TIAM2: variants seen among roughly 807,000 people sequenced by gnomAD.
TIAM2 encodes rho guanine nucleotide exchange factor TIAM2.
In TIAM2, 80 loss-of-function variants were observed where a neutral mutation model predicts 152.9. The observed-to-expected ratio is 0.52, with a 90% CI of 0.44 to 0.63. TIAM2 has a LOEUF of 0.63. Among genes scored for constraint, TIAM2 ranks in the 30% least tolerant of loss-of-function variants. The pLI, the probability that TIAM2 is intolerant of heterozygous loss-of-function variation, is 0.00. For synonymous variants in TIAM2, 804 were observed against 838.0 expected (o/e 0.96, Z 0.70); for missense variants, 1,965 against 2,120.1 (o/e 0.93, Z 1.44).
intron 1 of TIAM2, among the ~76,000 whole-genome samples, chr6:155,064,292 A>T (rs913585505): frequency 1.3e-5 from 2 of 152,190 alleles, no homozygotes; most frequent in African/African-American, 4.8e-5. Flanking sequence ...AGTATCTTAT[A>T]TTTAAGAACT....
chr6:155,005,656 C>CT (rs1158345350), intron 1 of TIAM2, among the ~76,000 whole-genome samples: 5,654 of 126,540 alleles, frequency 0.045, 340 homozygotes, highest in African/African-American at 0.14. Flanking sequence ...GAATTCTTTA[C>CT]TTTTTTTTTT....
chr6:155,127,465 G>C, intron 2 of TIAM2, 25 bp from the exon 3 acceptor site: 1 of 431,482 alleles, frequency 2.3e-6, no homozygotes, highest in Non-Finnish European at 4.6e-6. Context: ...GCTTCACAGA[G>C]TTTTCTTGCG....
intron 2 of TIAM2, among the ~76,000 whole-genome samples, chr6:155,091,684 G>A (rs1364377756): frequency 6.6e-6 from 1 of 152,094 alleles, no homozygotes; most frequent in African/African-American, 2.4e-5. Flanking sequence ...CTTTGTTTGT[G>A]TTGACCTTTT....
chr6:155,253,325 A>C, intron 24 of TIAM2: 2 of 421,588 alleles, frequency 4.7e-6, no homozygotes, highest in Admixed American at 3.9e-5. Context: ...CTGCCTTGAT[A>C]CCCTAAAATG....
chr6:155,222,614 A>AG, intron 15 of TIAM2, among the ~76,000 whole-genome samples: 1 of 15,378 alleles, frequency 6.5e-5, no homozygotes, highest in Admixed American at 3.8e-4. Context: ...AACAAAAAAC[A>AG]AACAAAAAAA....
intron 7 of TIAM2, among the ~76,000 whole-genome samples, chr6:155,155,536 G>A (rs918619777): frequency 2.0e-5 from 3 of 152,198 alleles, no homozygotes; most frequent in Non-Finnish European, 4.4e-5. Context: ...ATGCAGTGGT[G>A]TGATCTCGGC....
intron 1 of TIAM2, among the ~76,000 whole-genome samples, chr6:155,029,440 ATAC>A (rs1776753456): frequency 9.6e-5 from 4 of 41,498 alleles, no homozygotes; most frequent in Admixed American, 4.9e-4. Context: ...AGTATATATT[ATAC>A]TATAGTATAT....
intron 12 of TIAM2, among the ~76,000 whole-genome samples, chr6:155,181,582 C>T (rs1048208322): frequency 2.0e-5 from 3 of 152,140 alleles, no homozygotes; most frequent in East Asian, 1.9e-4. Flanking sequence ...GAAATCTTTT[C>T]GTCTTGTAAA....
At chr6:155,055,135 A>G (rs1037633126) in intron 1 of TIAM2, among the ~76,000 whole-genome samples, 10 of 152,166 alleles carry the variant, frequency 6.6e-5, no homozygotes, top group South Asian at 2.1e-4. Flanking sequence ...TGTCTGGATC[A>G]CTGTTCATTG....
At chr6:155,121,391 T>C (rs1779147135) in intron 2 of TIAM2, among the ~76,000 whole-genome samples, 1 of 152,226 alleles carries the variant, frequency 6.6e-6, no homozygotes, top group African/African-American at 2.4e-5. Context: ...CACTTGATTC[T>C]CAGTCTGTGA....
At chr6:155,023,639 C>T (rs992580435) in intron 1 of TIAM2, among the ~76,000 whole-genome samples, 14 of 152,080 alleles carry the variant, frequency 9.2e-5, no homozygotes, top group African/African-American at 3.4e-4. Context: ...TACCCATTAT[C>T]CTCTGGAGGT....
chr6:155,079,354 G>T (rs866377714), intron 1 of TIAM2, among the ~76,000 whole-genome samples: 1 of 152,222 alleles, frequency 6.6e-6, no homozygotes, highest in Non-Finnish European at 1.5e-5. Context: ...GAGCCTCCTC[G>T]CCTGGACCCA....
chr6:155,190,938 G>A (rs1781186639), intron 14 of TIAM2, among the ~76,000 whole-genome samples: 1 of 152,188 alleles, frequency 6.6e-6, no homozygotes, highest in African/African-American at 2.4e-5. Flanking sequence ...TCTTTTGTAA[G>A]GGGCTTGAAA....
rs1235430205 is a variant in TIAM2 at position 155,257,027 on chromosome 6, A to C, written c.5012A>C (p.Asn1671Thr). Reference protein sequence around the residue: ...SQSENATIDLNSVLEREFSVQ... With the variant: ...SQSENATIDLTSVLEREFSVQ... ...TCTGAAAATGCCACCATCGACCTAA[A>C]TTCTGTTCTAGAGCGAGAATTCAGT... Residue 1671 changes from asparagine to threonine, a missense_variant, in exon 27 of 27, where the codon AAT (asparagine) becomes ACT (threonine). Around this residue, in one of 3 missense-constraint regions of TIAM2, gnomAD observed 935 missense variants for 980.0 expected, o/e 0.95. Transcript: ENST00000682666. 8 of 1,614,062 alleles carry C rather than the reference A, an allele frequency of 5.0e-6. No homozygotes were observed. Among genetic ancestry groups the C allele is most frequent in the Non-Finnish European group, 6.8e-6 (8 of 1,180,046 alleles).
chr6:155,211,180 A>T (rs1032622789), intron 14 of TIAM2, 24 bp from the exon 15 acceptor site: 2 of 1,605,516 alleles, frequency 1.2e-6, no homozygotes, highest in Non-Finnish European at 1.7e-6. Flanking sequence ...AAACTCATAT[A>T]TGTTTTTGTC....
At chr6:155,202,586 C>T (rs1195286342) in intron 14 of TIAM2, among the ~76,000 whole-genome samples, 2 of 133,984 alleles carry the variant, frequency 1.5e-5, no homozygotes, top group Non-Finnish European at 1.6e-5. Flanking sequence ...ACCTGGATAA[C>T]TTTTTTTTTT....
chr6:155,208,023 T>G (rs891774801), intron 14 of TIAM2, among the ~76,000 whole-genome samples: 2 of 152,148 alleles, frequency 1.3e-5, no homozygotes, highest in African/African-American at 4.8e-5. Flanking sequence ...CTTATGCCCT[T>G]GCCACAGCTG....
rs1269544829 is a variant in TIAM2, at chr6:155,174,134, C to T, written c.2362-2682C>T. On this transcript the variant is annotated intron_variant, in intron 9 of 26. Transcript: ENST00000682666. The surrounding 1 kb of genome is among the most constrained non-coding windows in gnomAD (Gnocchi z 4.2). ...GGGAGTTAACTGCCAGGCGGGCATTCTGTGTAGTATAGTGGTGGTGTGAAC... is the reference window on the plus strand; with the variant it reads ...GGGAGTTAACTGCCAGGCGGGCATTTTGTGTAGTATAGTGGTGGTGTGAAC... 6.6e-6 allele frequency among the ~76,000 whole-genome samples: 1 copy of T among 152,234 alleles called. No homozygotes were observed. Among genetic ancestry groups the T allele is most frequent in the African/African-American group, 2.4e-5 (1 of 41,452 alleles).
intron 2 of TIAM2, among the ~76,000 whole-genome samples, chr6:155,104,411 A>G (rs1427402116): frequency 1.3e-5 from 2 of 152,060 alleles, no homozygotes; most frequent in Non-Finnish European, 2.9e-5. Flanking sequence ...GCTAATTTTT[A>G]TAACTATTAC....
Sources: allele counts gnomAD v4.1 joint callset (sites outside exome capture counted in the v4.1 genomes callset), GRCh38; gene constraint gnomAD v4.1.1; regional missense constraint gnomAD v4.1.1; non-coding constraint Gnocchi (gnomAD v3.1); transcripts MANE v1.5; gene names NCBI Gene and HGNC (gene_info 2026-07-23, HGNC 2026-07-21).